The following OLA1 variants were observed in gnomAD, a reference collection of about 807,000 sequenced individuals.
The protein encoded by OLA1 is Obg like ATPase 1.
In OLA1, 14 loss-of-function variants were observed where a neutral mutation model predicts 48.4. The ratio of observed to expected loss-of-function variants is 0.29; its 90% CI spans 0.19 to 0.45. OLA1 has a LOEUF of 0.45. OLA1 is among the 20% of genes least tolerant of loss of function. The pLI is 1.00. For synonymous variants in OLA1, 127 were observed against 150.4 expected, an observed-to-expected ratio of 0.84 and a Z score of 1.14; for missense variants, 325 against 467.1, an observed-to-expected ratio of 0.70 and a Z score of 2.80.
chr2:174,163,963 A>G (rs1394870988), intron 4 of OLA1, among the ~76,000 whole-genome samples: 1 of 151,662 alleles, frequency 6.6e-6, no homozygotes, highest in Non-Finnish European at 1.5e-5. Flanking sequence ...AGTACCCACA[A>G]TCCTCATGTG....
intron 5 of OLA1, among the ~76,000 whole-genome samples, chr2:174,127,192 G>A (rs1342955736): frequency 6.6e-6 from 1 of 152,170 alleles, no homozygotes; most frequent in Non-Finnish European, 1.5e-5. Context: ...CCCATAGCTA[G>A]TAAGTGGCAG....
intron 4 of OLA1, among the ~76,000 whole-genome samples, chr2:174,175,056 A>C (rs1358224800): frequency 2.0e-5 from 3 of 152,036 alleles, no homozygotes; most frequent in Admixed American, 6.6e-5. Context: ...AAAACTATGC[A>C]TCTGTATGGA....
rs1419953706 is a variant in OLA1, at chr2:174,144,930, T to TTAAAAA, written c.374-2931_374-2930insTTTTTA. Among the ~76,000 whole-genome samples the TTAAAAA allele has an allele frequency of 1.2e-3, 50 of 41,088 alleles. 5 individuals are homozygous for TTAAAAA. The highest frequency in any genetic ancestry group is 5.2e-3 in the African/African-American group (48 of 9,266). The allele number at this position is 41,088 out of a possible 152,430, so 27.0% of individuals were successfully genotyped here. ...CTGGGCGACAGAGTAAGACCCTGTT[T>TTAAAAA]AAAAAAAAAAAAAAAAAAAAAATAT... On this transcript the variant is annotated intron_variant, in intron 4 of 10. Transcript: ENST00000284719.
At chr2:174,206,747 GTTGGTTA>G (rs1688123483) in intron 4 of OLA1, among the ~76,000 whole-genome samples, 2 of 152,184 alleles carry the variant, frequency 1.3e-5, no homozygotes, top group South Asian at 4.1e-4. Context: ...ATAAACAGAA[GTTGGTTA>G]TTAGAATGCA....
rs948241183 is a variant in OLA1 at position 174,072,650 on chromosome 2, G to A, written c.*2776C>T. ...GGCAGGAGGAGGAGATACCGTCTCT[G>A]ACTCTCTGAATGAAAGGAGACGGGG... On this transcript the variant is annotated 3_prime_UTR_variant, in exon 11 of 11. Transcript: ENST00000284719. 6.6e-6 allele frequency: 1 copy of A among 152,188 alleles called. No individual in the cohort carries two copies. Among genetic ancestry groups the A allele is most frequent in the African/African-American group, 2.4e-5 (1 of 41,438 alleles). 9.4% of individuals were successfully genotyped at this position (152,188 alleles called of 1,614,324 possible).
At chr2:174,100,296 G>A (rs1685361259) in intron 7 of OLA1, among the ~76,000 whole-genome samples, 1 of 152,182 alleles carries the variant, frequency 6.6e-6, no homozygotes, top group Non-Finnish European at 1.5e-5. Flanking sequence ...GAATAAGTAA[G>A]ACCGACATTG....
intron 7 of OLA1, among the ~76,000 whole-genome samples, chr2:174,109,683 A>G (rs1685602956): frequency 4.6e-5 from 7 of 152,206 alleles, no homozygotes; most frequent in Admixed American, 3.3e-4. Context: ...AGCAAGTTCT[A>G]TGATGCAAGG....
intron 4 of OLA1, among the ~76,000 whole-genome samples, chr2:174,197,267 G>T (rs1687898116): frequency 6.6e-6 from 1 of 152,096 alleles, no homozygotes; most frequent in Non-Finnish European, 1.5e-5. Flanking sequence ...AGCTCTAAAG[G>T]CCTAATTAAC....
chr2:174,140,515 G>A (rs1558972681), intron 5 of OLA1, among the ~76,000 whole-genome samples: 1 of 151,768 alleles, frequency 6.6e-6, no homozygotes, highest in Non-Finnish European at 1.5e-5. Flanking sequence ...TTACAGGCGT[G>A]CACCACCACG....
intron 4 of OLA1, among the ~76,000 whole-genome samples, chr2:174,145,828 C>G (rs1686582967): frequency 6.6e-6 from 1 of 152,142 alleles, no homozygotes; most frequent in Admixed American, 6.5e-5. Flanking sequence ...CCTGAAAATA[C>G]TAACTATAAT....
intron 7 of OLA1, among the ~76,000 whole-genome samples, chr2:174,115,153 G>C (rs1282153233): frequency 6.6e-6 from 1 of 152,168 alleles, no homozygotes; most frequent in East Asian, 1.9e-4. Flanking sequence ...CAATGTAATA[G>C]TGTAATGAGG....
chr2:174,192,505 G>C (rs947437910), intron 4 of OLA1, among the ~76,000 whole-genome samples: 1 of 152,126 alleles, frequency 6.6e-6, no homozygotes, highest in Admixed American at 6.5e-5. Flanking sequence ...CTGCAAAGTT[G>C]AGTAGTTTCA....
Position 174,078,985 on chromosome 2 carries a change from A to G in OLA1, c.1072T>C (p.Ser358Pro). 6.2e-7 allele frequency: 1 copy of G among 1,603,228 alleles called. No individual in the cohort carries two copies. The highest frequency in any genetic ancestry group is 2.2e-5 in the East Asian group (1 of 44,478). The change falls in exon 10 of 11, where the codon TCT becomes CCT. Residue 358 changes from serine to proline, a missense_variant. Coordinates refer to ENST00000284719, the MANE Select transcript of OLA1 (RefSeq NM_013341.5). ...MKYEDFKEEGSENAVKAAGKY... is the reference protein window; with the variant it reads ...MKYEDFKEEGPENAVKAAGKY... ...TTCTTTACCTTGACTGCATTTTCAG[A>G]ACCTTCCTCTTTAAAATCTTCGTAT...
intron 4 of OLA1, among the ~76,000 whole-genome samples, chr2:174,153,851 G>A (rs1166511736): frequency 6.6e-6 from 1 of 152,052 alleles, no homozygotes; most frequent in Non-Finnish European, 1.5e-5. Context: ...TGTGTAAAAG[G>A]CAAAATTAAC....
intron 4 of OLA1, among the ~76,000 whole-genome samples, chr2:174,165,137 T>C (rs1574521847): frequency 6.6e-6 from 1 of 152,208 alleles, no homozygotes; most frequent in South Asian, 2.1e-4. Flanking sequence ...ATAGACTATC[T>C]TTATTTTCTA....
At chr2:174,129,755 G>A (rs182456763) in intron 5 of OLA1, among the ~76,000 whole-genome samples, 6 of 152,234 alleles carry the variant, frequency 3.9e-5, no homozygotes, top group South Asian at 2.1e-4. Flanking sequence ...TATATTCACA[G>A]GGTAAGGGGA....
intron 2 of OLA1, among the ~76,000 whole-genome samples, chr2:174,233,433 T>C (rs1199416730): frequency 6.6e-6 from 1 of 152,184 alleles, no homozygotes; most frequent in Non-Finnish European, 1.5e-5. Flanking sequence ...GAGTGCAGTG[T>C]CACGATCTCG....
intron 2 of OLA1, among the ~76,000 whole-genome samples, chr2:174,238,901 A>G (rs1405225039): frequency 6.6e-6 from 1 of 152,244 alleles, no homozygotes. Context: ...CAAAAGGAAT[A>G]TAAGTGAACA....
intron 10 of OLA1, among the ~76,000 whole-genome samples, chr2:174,077,891 T>C (rs1684782631): frequency 6.6e-6 from 1 of 152,032 alleles, no homozygotes; most frequent in African/African-American, 2.4e-5. Flanking sequence ...CTAATTAGTA[T>C]TCCTGACAAA....
Sources: allele counts gnomAD v4.1 joint callset (sites outside exome capture counted in the v4.1 genomes callset), GRCh38; gene constraint gnomAD v4.1.1; transcripts MANE v1.5; gene names NCBI Gene and HGNC (gene_info 2026-07-23, HGNC 2026-07-21).